The following SYCP2L variants were observed in gnomAD, a reference collection of about 807,000 sequenced individuals.
SYCP2L encodes the protein synaptonemal complex protein 2 like.
Under a neutral mutation model 125.8 loss-of-function variants are expected in SYCP2L, and 98 were observed. The observed-to-expected ratio is 0.78, with a 90% CI of 0.66 to 0.92. The LOEUF is 0.92. Ranked by LOEUF, SYCP2L falls within the 40% of genes least tolerant of loss-of-function variation. The probability of loss-of-function intolerance (pLI) is 0.00; values close to 1 mark genes in which losing one functional copy is unlikely to be tolerated. For missense variants in SYCP2L, 842 were observed against 936.4 expected, an observed-to-expected ratio of 0.90 and a Z score of 1.32; for synonymous variants, 317 against 325.4, an observed-to-expected ratio of 0.97 and a Z score of 0.28.
At chr6:10,962,396 TC>T (rs1781610442) in intron 28 of SYCP2L, among the ~76,000 whole-genome samples, 1 of 146,570 alleles carries the variant, frequency 6.8e-6, no homozygotes, top group Non-Finnish European at 1.5e-5. Context: ...ATGAACCATT[TC>T]CACAATCCCT....
At chr6:10,973,537 A>G (rs1222457829) in intron 29 of SYCP2L, among the ~76,000 whole-genome samples, 1 of 152,136 alleles carries the variant, frequency 6.6e-6, no homozygotes, top group Non-Finnish European at 1.5e-5. Flanking sequence ...TCTCAAAATA[A>G]TAATAATAAT....
chr6:10,900,625 T>A (rs1455144491), intron 6 of SYCP2L, among the ~76,000 whole-genome samples: 2 of 152,176 alleles, frequency 1.3e-5, no homozygotes, highest in Non-Finnish European at 2.9e-5. Context: ...AGTGCTGGGA[T>A]TACAGGCATG....
intron 21 of SYCP2L, among the ~76,000 whole-genome samples, chr6:10,935,523 TTTTTC>T (rs796833467): frequency 1.3e-5 from 2 of 152,098 alleles, no homozygotes; most frequent in African/African-American, 2.4e-5. Context: ...ATATGGTTTC[TTTTTC>T]TTTTCTTTTT....
rs778660127 is a variant in SYCP2L at position 10,942,542 on chromosome 6, T to G, written c.1884+13T>G. ...AGAAAAACCTAAGGTACTATTTAAT[T>G]GTTGGTTATTCATCTGATTTTCCAG... On this transcript the variant is annotated intron_variant, in intron 22 of 29. Coordinates refer to ENST00000283141, the MANE Select transcript of SYCP2L (RefSeq NM_001040274.3). 1.3e-6 allele frequency: 2 copies of G among 1,598,606 alleles called. No individual in the cohort carries two copies. The highest frequency in any genetic ancestry group is 4.5e-5 in the East Asian group (2 of 44,760).
chr6:10,944,502 A>G (rs575418217), intron 23 of SYCP2L, among the ~76,000 whole-genome samples: 2 of 152,084 alleles, frequency 1.3e-5, no homozygotes, highest in East Asian at 3.9e-4. Flanking sequence ...GCTTTTTTTG[A>G]TAAATCAAAG....
chr6:10,905,277 CTAAAT>C (rs749191009), intron 8 of SYCP2L, among the ~76,000 whole-genome samples: 1 of 151,206 alleles, frequency 6.6e-6, no homozygotes, highest in Non-Finnish European at 1.5e-5. Context: ...TATTACATCT[CTAAAT>C]TATTATTATT....
intron 20 of SYCP2L, among the ~76,000 whole-genome samples, chr6:10,932,022 G>A (rs1781006359): frequency 7.7e-6 from 1 of 130,220 alleles, no homozygotes; most frequent in South Asian, 2.5e-4. Context: ...GTTCCCAAAT[G>A]TTGCTGGAGG....
At chr6:10,928,952 C>A (rs192739195) in intron 18 of SYCP2L, among the ~76,000 whole-genome samples, 1 of 150,932 alleles carries the variant, frequency 6.6e-6, no homozygotes, top group East Asian at 1.9e-4. Flanking sequence ...TCGCTAATGG[C>A]ACAATCTTGG....
intron 20 of SYCP2L, among the ~76,000 whole-genome samples, chr6:10,934,444 C>G (rs1227222030): frequency 6.6e-6 from 1 of 152,142 alleles, no homozygotes; most frequent in Non-Finnish European, 1.5e-5. Flanking sequence ...TTTGGGAGGC[C>G]AAGGCGGGCA....
chr6:10,911,146 A>G (rs1183687382), intron 12 of SYCP2L, among the ~76,000 whole-genome samples: 1 of 152,106 alleles, frequency 6.6e-6, no homozygotes, highest in African/African-American at 2.4e-5. Flanking sequence ...AGCTTGCCTC[A>G]TTTTACCCTA....
At chr6:10,907,900 T>TTTTTTTTTTTTTTTTTTTTTG (rs1403555435) in intron 10 of SYCP2L, among the ~76,000 whole-genome samples, 1 of 130,398 alleles carries the variant, frequency 7.7e-6, no homozygotes, top group Non-Finnish European at 1.6e-5. Flanking sequence ...AGGTTTTTTT[T>TTTTTTTTTTTTTTTTTTTTTG]TTTTTTTTTT....
chr6:10,939,486 C>G (rs1350286378), intron 21 of SYCP2L, among the ~76,000 whole-genome samples: 3 of 152,178 alleles, frequency 2.0e-5, no homozygotes, highest in Non-Finnish European at 4.4e-5. Flanking sequence ...TATTCAAAAA[C>G]TATAGTAATC....
chr6:10,924,535 A>G lies in SYCP2L; in HGVS notation c.1112A>G (p.Lys371Arg). Reference sequence around the variant, plus strand: ...AAGATATTTATCATTTACCTGAAGAAGCCCATGATTATCAGCTACAAAGAA... The same window carrying G: ...AAGATATTTATCATTTACCTGAAGAGGCCCATGATTATCAGCTACAAAGAA... ...KIKIFIIYLKKPMIISYKEVM... is the reference protein window; with the variant it reads ...KIKIFIIYLKRPMIISYKEVM... The change falls in exon 15 of 30, where the codon AAG becomes AGG. Residue 371 changes from lysine to arginine, a missense_variant. Coordinates refer to ENST00000283141, the MANE Select transcript of SYCP2L (RefSeq NM_001040274.3). 1 of 1,597,996 alleles carries G rather than the reference A, an allele frequency of 6.3e-7. No homozygotes were observed. Among genetic ancestry groups the G allele is most frequent in the Non-Finnish European group, 8.5e-7 (1 of 1,175,484 alleles).
chr6:10,920,630 T>C (rs982843135), intron 14 of SYCP2L, among the ~76,000 whole-genome samples: 2 of 151,786 alleles, frequency 1.3e-5, no homozygotes, highest in African/African-American at 4.8e-5. Flanking sequence ...TCTTCAACTT[T>C]TATTTTAAGT....
At position 10,942,452 on chromosome 6, in the gene SYCP2L, T is replaced by C. The variant is rs1046888553; in HGVS notation, c.1814-7T>C. On this transcript the variant is annotated splice_region_variant and splice_polypyrimidine_tract_variant and intron_variant, in intron 21 of 29. Coordinates refer to ENST00000283141, the MANE Select transcript of SYCP2L (RefSeq NM_001040274.3). ...GTATTCACTTGAAACTTCTCTCTAA[T>C]GCTCAGAGCTTCAAGATCCTCACTC... 1 of 1,558,926 alleles carries C rather than the reference T, an allele frequency of 6.4e-7. No individual in the cohort carries two copies. The highest frequency in any genetic ancestry group is 8.6e-7 in the Non-Finnish European group (1 of 1,158,864).
At chr6:10,907,758 T>C in intron 10 of SYCP2L, 74 bp downstream of exon 10, 4 of 1,523,246 alleles carry the variant, frequency 2.6e-6, no homozygotes, top group Non-Finnish European at 3.6e-6. Flanking sequence ...TTCCTGTGCA[T>C]TGGGCTTACG....
At chr6:10,889,133 T>C (rs997254227) in intron 1 of SYCP2L, among the ~76,000 whole-genome samples, 3 of 152,236 alleles carry the variant, frequency 2.0e-5, no homozygotes, top group African/African-American at 7.2e-5. Flanking sequence ...GTGCTGGGAT[T>C]ACAGGCGTGA....
chr6:10,910,016 C>T, intron 10 of SYCP2L, 132 bp from the exon 11 acceptor site: 1 of 653,868 alleles, frequency 1.5e-6, no homozygotes, highest in Non-Finnish European at 2.6e-6. Context: ...ATAACAAATC[C>T]TTGTAAAGCC....
chr6:10,887,270 C>T (rs1188882271), intron 1 of SYCP2L, 135 bp downstream of exon 1: 6 of 1,217,504 alleles, frequency 4.9e-6, no homozygotes, highest in Non-Finnish European at 7.1e-6. Context: ...AGTCCCCCGC[C>T]ACCTCCTTGG....
Sources: allele counts gnomAD v4.1 joint callset (sites outside exome capture counted in the v4.1 genomes callset), GRCh38; gene constraint gnomAD v4.1.1; transcripts MANE v1.5; gene names NCBI Gene and HGNC (gene_info 2026-07-23, HGNC 2026-07-21).